Variants in USP3 observed in about 807,000 individuals in gnomAD.
USP3 encodes ubiquitin carboxyl-terminal hydrolase 3.
In USP3, 20 loss-of-function variants were observed where a neutral mutation model predicts 72.3. That is an observed-to-expected ratio of 0.28 (90% confidence interval 0.19 to 0.40). USP3 has a LOEUF of 0.40. USP3 is among the 10% of genes least tolerant of loss of function. The pLI is 1.00. For missense variants in USP3, 479 were observed against 633.9 expected (o/e 0.76, Z 2.62); for synonymous variants, 222 against 225.3 (o/e 0.99, Z 0.13).
chr15:63,546,521 CA>C (rs2066330523), intron 3 of USP3, among the ~76,000 whole-genome samples: 1 of 152,064 alleles, frequency 6.6e-6, no homozygotes, highest in Non-Finnish European at 1.5e-5. Flanking sequence ...TAATTCTGAC[CA>C]AAAAGCTTCA....
At chr15:63,566,112 G>A (rs2066686389) in intron 8 of USP3, among the ~76,000 whole-genome samples, 1 of 151,918 alleles carries the variant, frequency 6.6e-6, no homozygotes, top group Admixed American at 6.6e-5. Context: ...TGTACAACCT[G>A]ATTTAATATA....
At position 63,588,572 on chromosome 15, in the gene USP3, A is replaced by T; in HGVS notation, c.1216-130A>T. 1 of 920,398 alleles carries T rather than the reference A, an allele frequency of 1.1e-6. No homozygotes were observed. Among genetic ancestry groups the T allele is most frequent in the Non-Finnish European group, 1.7e-6 (1 of 586,460 alleles). 57.0% of individuals were successfully genotyped at this position (920,398 alleles called of 1,614,324 possible). A position where few individuals can be genotyped will look rare whatever the true frequency, so the allele number is the denominator to read the frequency against. ...GCTAAACCCCTTACAGAATGAATGC[A>T]TAAGGTATGCATGGAAGAATGATTG... On this transcript the variant is annotated intron_variant, in intron 12 of 14. Coordinates refer to ENST00000380324, the MANE Select transcript of USP3 (RefSeq NM_006537.4). This position sits in a 1 kb window ranked among gnomAD's most constrained non-coding sequence, Gnocchi z 4.6.
chr15:63,517,129 G>T lies in USP3; in HGVS notation c.91+12299G>T, dbSNP rs138267095. 3.9e-3 allele frequency among the ~76,000 whole-genome samples: 596 copies of T among 151,842 alleles called. 6 individuals carry two copies. The highest frequency in any genetic ancestry group is 0.013 in the African/African-American group (539 of 41,418). ...ATATGTATACATGTGCCATGTTGGT[G>T]TGCTGCACCCATTAACTCGTCATTA... On this transcript the variant is annotated intron_variant, in intron 1 of 14. Transcript: ENST00000380324.
At chr15:63,526,453 A>G (rs78738389) in intron 1 of USP3, among the ~76,000 whole-genome samples, 10,624 of 152,250 alleles carry the variant, frequency 0.07, 411 homozygotes, top group Non-Finnish European at 0.082. Context: ...GCACCTGTAT[A>G]TAGCACACAG....
rs1039562534 is a variant in USP3, at chr15:63,579,705, G to A, written c.1096+5302G>A. Reference sequence around the variant, plus strand: ...GTTTCATAAATTTAATTGAGCAATGGTAAAAGACCATAAACAAAGTGGAAA... The same window carrying A: ...GTTTCATAAATTTAATTGAGCAATGATAAAAGACCATAAACAAAGTGGAAA... On this transcript the variant is annotated intron_variant, in intron 11 of 14. Transcript: ENST00000380324. Among the ~76,000 whole-genome samples the A allele has an allele frequency of 5.9e-5, 9 of 152,204 alleles. No homozygotes were observed. In the East Asian group the frequency reaches 1.4e-3, roughly 23 times the overall value.
rs769007958 is a variant in USP3, at chr15:63,559,979, T to C, written c.647+9T>C. Reference sequence around the variant, plus strand: ...CAAGGGGATAACAATGTGTGAGTTATAAGAGTATGTCCTTTCTGGCTTTGA... The same window carrying C: ...CAAGGGGATAACAATGTGTGAGTTACAAGAGTATGTCCTTTCTGGCTTTGA... On this transcript the variant is annotated intron_variant, in intron 7 of 14. Transcript: ENST00000380324. 1.5e-5 allele frequency: 24 copies of C among 1,609,884 alleles called. No homozygotes were observed. The South Asian group carries it at 1.7e-4, about 11-fold the overall frequency.
chr15:63,546,950 T>A (rs114345924), intron 3 of USP3, among the ~76,000 whole-genome samples: 1,700 of 152,312 alleles, frequency 0.011, 31 homozygotes, highest in African/African-American at 0.039. Flanking sequence ...TGGGACAATT[T>A]CCAGTTTGAA....
intron 8 of USP3, among the ~76,000 whole-genome samples, chr15:63,568,518 A>G (rs978872710): frequency 2.0e-5 from 3 of 152,208 alleles, no homozygotes; most frequent in Non-Finnish European, 4.4e-5. Context: ...CAAAACATAA[A>G]CACAGCACCC....
At chr15:63,548,750 G>A (rs2066393655) in intron 3 of USP3, among the ~76,000 whole-genome samples, 1 of 151,994 alleles carries the variant, frequency 6.6e-6, no homozygotes, top group African/African-American at 2.4e-5. Context: ...GCCTAGTGGA[G>A]TGGCATGATC....
intron 1 of USP3, among the ~76,000 whole-genome samples, chr15:63,521,059 G>A (rs1472462113): frequency 6.6e-6 from 1 of 150,550 alleles, no homozygotes; most frequent in Non-Finnish European, 1.5e-5. Flanking sequence ...GATCTTTCCT[G>A]TGTTTCTTTT....
At chr15:63,565,688 T>C (rs1595754605) in intron 8 of USP3, among the ~76,000 whole-genome samples, 1 of 152,158 alleles carries the variant, frequency 6.6e-6, no homozygotes, top group Non-Finnish European at 1.5e-5. Context: ...CATCTTTTTT[T>C]CCCCACTTTG....
rs1218041372 is a variant in USP3, at chr15:63,567,409, C to T, written c.762-3024C>T. The stretch of plus-strand genomic sequence containing the variant: ...TTGCCCGGGCTGGAGTGCAGTGGCA[C>T]GATCTCGGCTCACTGCAAGCTCCAC... On this transcript the variant is annotated intron_variant, in intron 8 of 14. Transcript: ENST00000380324. Among the ~76,000 whole-genome samples, 4 of 148,052 alleles carry T rather than the reference C, an allele frequency of 2.7e-5. 1 individual carries two copies. The South Asian group carries it at 6.4e-4, about 24-fold the overall frequency.
intron 9 of USP3, among the ~76,000 whole-genome samples, chr15:63,573,445 A>G (rs2066811642): frequency 6.6e-6 from 1 of 152,230 alleles, no homozygotes; most frequent in Non-Finnish European, 1.5e-5. Context: ...ATTATTTGCA[A>G]TATTAAGTGA....
rs1254468234 is a variant in USP3 at position 63,544,224 on chromosome 15, TAGAATATATATAG to T, written c.284+7072_284+7084del. 6.7e-6 allele frequency: 1 copy of T among 148,850 alleles called. No individual in the cohort carries two copies. Among genetic ancestry groups the T allele is most frequent in the Non-Finnish European group, 1.5e-5 (1 of 67,436 alleles). 9.2% of individuals were successfully genotyped at this position (148,850 alleles called of 1,614,324 possible). A position where few individuals can be genotyped will look rare whatever the true frequency, so the allele number is the denominator to read the frequency against. ...TAATACAAATATATACATATATATA[TAGAATATATATAG>T]AGAGGGTAGTGGATACTCAGTTTTG... is the stretch of plus-strand genomic sequence containing the variant. On this transcript the variant is annotated intron_variant, in intron 3 of 14. Transcript: ENST00000380324. This position sits in a 1 kb window ranked among gnomAD's most constrained non-coding sequence, Gnocchi z 4.2.
Position 63,562,901 on chromosome 15 carries a change from G to C in USP3, c.654G>C (p.Leu218Phe), listed in dbSNP as rs1456519659. ...GTCCTTTCCTCTTTTGCAGGTCTTT[G>C]GTAGAAGAGTTTAGAAAGACACTCT... is the stretch of plus-strand genomic sequence containing the variant. ...TRSQGDNNVS[L>F]VEEFRKTLCA... is the part of the protein sequence containing the mutation. The change falls in exon 8 of 15, where the codon TTG becomes TTC. Residue 218 changes from leucine (L) to phenylalanine (F), a missense_variant. Physicochemically the swap from Leu to Phe is conservative, Grantham distance 22 (BLOSUM62 0). Transcript: ENST00000380324. 2 of 1,604,860 alleles carry C rather than the reference G, an allele frequency of 1.2e-6. No individual in the cohort carries two copies. Among genetic ancestry groups the C allele is most frequent in the South Asian group, 2.3e-5 (2 of 88,212 alleles).
Position 63,590,910 on chromosome 15 carries a change from C to G in USP3, c.*84C>G. The G allele has an allele frequency of 7.0e-7, 1 of 1,429,626 alleles. No individual in the cohort carries two copies. Among genetic ancestry groups the G allele is most frequent in the East Asian group, 2.5e-5 (1 of 39,598 alleles). The allele number at this position is 1,429,626 out of a possible 1,614,324, so 88.6% of individuals were successfully genotyped here. ...AAATACTTGATACAAGATTTAATTT[C>G]ATTATGCACTTTTCAATTTCCTATT... On this transcript the variant is annotated 3_prime_UTR_variant, in exon 15 of 15. Transcript: ENST00000380324.
intron 11 of USP3, among the ~76,000 whole-genome samples, chr15:63,581,659 T>G (rs762926255): frequency 6.7e-6 from 1 of 150,314 alleles, no homozygotes; most frequent in Non-Finnish European, 1.5e-5. Context: ...CCTCCCAAAG[T>G]GCTGGGATTA....
intron 1 of USP3, among the ~76,000 whole-genome samples, chr15:63,526,524 T>G (rs1283427467): frequency 6.6e-6 from 1 of 152,238 alleles, no homozygotes; most frequent in African/African-American, 2.4e-5. Flanking sequence ...ATATCCTAGA[T>G]GTTTCCTTAT....
chr15:63,561,355 C>T (rs2066605226), intron 7 of USP3, among the ~76,000 whole-genome samples: 1 of 152,150 alleles, frequency 6.6e-6, no homozygotes, highest in Admixed American at 6.5e-5. Flanking sequence ...TATTGGTGAG[C>T]TAATCATACT....
Sources: allele counts gnomAD v4.1 joint callset (sites outside exome capture counted in the v4.1 genomes callset), GRCh38; gene constraint gnomAD v4.1.1; non-coding constraint Gnocchi (gnomAD v3.1); transcripts MANE v1.5; gene names NCBI Gene and HGNC (gene_info 2026-07-23, HGNC 2026-07-21).